The following HAL variants were observed in gnomAD, a reference collection of about 807,000 sequenced individuals.
HAL encodes the protein histidase.
Under a neutral mutation model 81.1 loss-of-function variants are expected in HAL, and 85 were observed. The observed-to-expected ratio is 1.05, with a 90% confidence interval of 0.88 to 1.25. The LOEUF (loss-of-function observed/expected upper bound fraction) is 1.25, where lower values mean the gene tolerates loss of function less well. Among genes scored for constraint, HAL ranks in the 50% most tolerant of loss-of-function variants. The pLI is 0.00. For synonymous variants in HAL, 301 were observed against 309.2 expected (o/e 0.97, Z 0.28); for missense variants, 798 against 836.6 (o/e 0.95, Z 0.57).
At position 95,985,946 on chromosome 12, in the gene HAL, G is replaced by T. The variant is rs367677601; in HGVS notation, c.1168C>A (p.Arg390Ser). 1.2e-6 allele frequency: 2 copies of T among 1,611,176 alleles called. No homozygotes were observed. The highest frequency in any genetic ancestry group is 1.1e-5 in the South Asian group (1 of 90,978). The part of the protein sequence containing the change: ...EIAESHRFCD[R>S]VQDAYTLRCC... Reference sequence around the variant, plus strand: ...CGCAAGGTGTATGCATCCTGGACGCGATCACAGAACCTGTGACTCTCTGTG... The same window carrying T: ...CGCAAGGTGTATGCATCCTGGACGCTATCACAGAACCTGTGACTCTCTGTG... The change falls in exon 14 of 21, where the codon CGC becomes AGC. Residue 390 changes from arginine to serine, a missense_variant. By Grantham distance (110) the Arg-to-Ser change is moderately radical (BLOSUM62 -1). Coordinates refer to ENST00000261208, the MANE Select transcript of HAL (RefSeq NM_002108.4).
At position 95,980,713 on chromosome 12, in the gene HAL, G is replaced by T; in HGVS notation, c.1362C>A (p.Asp454Glu). ...FHGEYPAKAL[D>E]YLAIGIHELA... ...GTTCATGGATGCCAATGGCCAAGTA[G>T]TCTAGGGCCTGAAAGAGGGTCTCCA... The change falls in exon 17 of 21, where the codon GAC becomes GAA. Residue 454 changes from aspartate to glutamate, a missense_variant. Asp to Glu is a conservative substitution (Grantham distance 45). Coordinates refer to ENST00000261208, the MANE Select transcript of HAL (RefSeq NM_002108.4). 1 of 1,613,478 alleles carries T rather than the reference G, an allele frequency of 6.2e-7. No homozygotes were observed. Among genetic ancestry groups the T allele is most frequent in the Non-Finnish European group, 8.5e-7 (1 of 1,179,368 alleles).
chr12:95,995,948 G>C lies in HAL; in HGVS notation c.-38C>G. On this transcript the variant is annotated 5_prime_UTR_variant, in exon 2 of 21. Coordinates refer to ENST00000261208, the MANE Select transcript of HAL (RefSeq NM_002108.4). ...GCCTGAGGTCCTCAGCTGGTCACAG[G>C]AGGGGAGAGCTTTATGCAGGAGTGG... 2 of 1,598,630 alleles carry C rather than the reference G, an allele frequency of 1.3e-6. No individual in the cohort carries two copies. Among genetic ancestry groups the C allele is most frequent in the Non-Finnish European group, 1.7e-6 (2 of 1,179,202 alleles).
In HAL at chr12:95,986,120, A is replaced by G; in HGVS notation, c.1092T>C (p.Val364=). ...ALRPHRGQIE[V]AFRFRSLLDS... ...CCAAGAGTGACCGAAACCGAAAAGC[A>G]ACTTCAATTTGCCCACGGTGAGGTC... Residue 364 remains valine, a synonymous_variant, in exon 13 of 21, where the codon GTT becomes GTC. Transcript: ENST00000261208. 1 of 1,612,866 alleles carries G rather than the reference A, an allele frequency of 6.2e-7. No homozygotes were observed. Among genetic ancestry groups the G allele is most frequent in the Non-Finnish European group, 8.5e-7 (1 of 1,178,774 alleles).
rs370840926 is a variant in HAL, at chr12:95,978,639, T to C, written c.1520-561A>G. 9.2e-5 allele frequency among the ~76,000 whole-genome samples: 14 copies of C among 152,286 alleles called. 1 individual carries two copies. Among genetic ancestry groups the C allele is most frequent in the Admixed American group, 4.6e-4 (7 of 15,298 alleles). The stretch of plus-strand genomic sequence containing the variant: ...TCTCAAGCTTTCCAGTGCACATGAA[T>C]CACTCAGGGACCTTGTTATAACAAA... On this transcript the variant is annotated intron_variant, in intron 17 of 20. Transcript: ENST00000261208.
At chr12:95,985,739 A>G (rs1472729316) in intron 14 of HAL, among the ~76,000 whole-genome samples, 169 bp downstream of exon 14, 6 of 152,110 alleles carry the variant, frequency 3.9e-5, no homozygotes, top group African/African-American at 1.4e-4. Flanking sequence ...GCACACATAA[A>G]GGTAAAATAT....
At chr12:95,978,200 T>G (rs2080747299) in intron 17 of HAL, 122 bp from the exon 18 acceptor site, 1 of 784,400 alleles carries the variant, frequency 1.3e-6, no homozygotes, top group East Asian at 2.7e-5. Flanking sequence ...TTGGACATTA[T>G]CCAAGCACCT....
chr12:95,980,438 A>C, intron 17 of HAL, 118 bp downstream of exon 17: 2 of 910,858 alleles, frequency 2.2e-6, no homozygotes, highest in Non-Finnish European at 3.6e-6. Context: ...ACTAGGATGC[A>C]GATAAAAGTG....
intron 7 of HAL, 36 bp downstream of exon 7, chr12:95,993,736 A>T: frequency 9.3e-7 from 1 of 1,079,464 alleles, no homozygotes; most frequent in Non-Finnish European, 1.4e-6. Flanking sequence ...AGATGAGGGT[A>T]GGTGGAACGT....
chr12:95,992,953 C>T (rs1949990488), intron 8 of HAL, 148 bp from the exon 9 acceptor site: 1 of 761,872 alleles, frequency 1.3e-6, no homozygotes, highest in Non-Finnish European at 2.3e-6. Context: ...ACTACTCTCC[C>T]TCCTGCCTGT....
intron 8 of HAL, 64 bp from the exon 9 acceptor site, chr12:95,992,869 C>G: frequency 7.8e-7 from 1 of 1,280,932 alleles, no homozygotes; most frequent in Non-Finnish European, 1.1e-6. Context: ...CTGACAATTG[C>G]CCTCCCTCCC....
chr12:95,990,963 A>G (rs1215055175), intron 9 of HAL, among the ~76,000 whole-genome samples: 1 of 152,162 alleles, frequency 6.6e-6, no homozygotes, highest in African/African-American at 2.4e-5. Context: ...TACAAAAATT[A>G]GCCAAGTATG....
At chr12:95,975,529 T>A (rs1278841788) in intron 20 of HAL, among the ~76,000 whole-genome samples, 2 of 151,994 alleles carry the variant, frequency 1.3e-5, no homozygotes, top group Admixed American at 6.6e-5. Flanking sequence ...AATTTTTTTT[T>A]AAATTGAATG....
rs2080720413 is a variant in HAL at position 95,976,476 on chromosome 12, T to C, written c.1786A>G (p.Met596Val). 1.9e-6 allele frequency: 3 copies of C among 1,614,126 alleles called. No individual in the cohort carries two copies. The highest frequency in any genetic ancestry group is 1.1e-5 in the South Asian group (1 of 91,082). ...TGGGCTGCCTCGATGTCCGGGGCCATGAAGCGATCTTTTATCCAGGGCCTA... is the reference window on the plus strand; with the variant it reads ...TGGGCTGCCTCGATGTCCGGGGCCACGAAGCGATCTTTTATCCAGGGCCTA... ...VVRPWIKDRF[M>V]APDIEAAHRL... Residue 596 changes from methionine to valine, a missense_variant, in exon 20 of 21, where the codon ATG (methionine) becomes GTG (valine). Physicochemically the swap from Met to Val is conservative, Grantham distance 21. Coordinates refer to ENST00000261208, the MANE Select transcript of HAL (RefSeq NM_002108.4).
At chr12:95,992,949 C>T in intron 8 of HAL, 144 bp from the exon 9 acceptor site, 1 of 757,100 alleles carries the variant, frequency 1.3e-6, no homozygotes, top group Non-Finnish European at 2.3e-6. Flanking sequence ...TTGGACTACT[C>T]TCCCTCCTGC....
chr12:95,986,602 C>G (rs747942284), intron 12 of HAL, among the ~76,000 whole-genome samples: 33 of 152,164 alleles, frequency 2.2e-4, no homozygotes, highest in Non-Finnish European at 1.2e-4. Context: ...CTACAGTGGC[C>G]TAATTTAACT....
Position 95,996,264 on chromosome 12 carries a change from A to C in HAL, c.-268T>G, listed in dbSNP as rs938479831. The C allele has an allele frequency of 6.3e-6, 2 of 315,660 alleles. No homozygotes were observed. Among genetic ancestry groups the C allele is most frequent in the South Asian group, 3.2e-5 (1 of 31,540 alleles). The allele number at this position is 315,660 out of a possible 1,614,324, so 19.6% of individuals were successfully genotyped here. ...TGGCCCCCTTTCTTCAGGGTCCCCA[A>C]TTTCTCTCTCTTCCCTCGTTTCTGT... On this transcript the variant is annotated 5_prime_UTR_variant, in exon 1 of 21. Transcript: ENST00000261208.
At position 95,996,240 on chromosome 12, in the gene HAL, G is replaced by T; in HGVS notation, c.-244C>A. 2.9e-6 allele frequency: 1 copy of T among 344,226 alleles called. No homozygotes were observed. The allele number at this position is 344,226 out of a possible 1,614,324, so 21.3% of individuals were successfully genotyped here. ...TCCCTGATGGCACCTACCTGCTGCTGGCCCCCTTTCTTCAGGGTCCCCAAT... is the reference window on the plus strand; with the variant it reads ...TCCCTGATGGCACCTACCTGCTGCTTGCCCCCTTTCTTCAGGGTCCCCAAT... On this transcript the variant is annotated 5_prime_UTR_variant, in exon 1 of 21. Coordinates refer to ENST00000261208, the MANE Select transcript of HAL (RefSeq NM_002108.4).
intron 14 of HAL, among the ~76,000 whole-genome samples, 198 bp downstream of exon 14, chr12:95,985,710 T>C (rs112887007): frequency 1.3e-5 from 2 of 148,212 alleles, no homozygotes; most frequent in Non-Finnish European, 3.0e-5. Flanking sequence ...CCATATAGAA[T>C]AGAAACTTTA....
chr12:95,991,881 T>C (rs930815939), intron 9 of HAL, among the ~76,000 whole-genome samples: 5 of 152,244 alleles, frequency 3.3e-5, no homozygotes, highest in African/African-American at 7.2e-5. Flanking sequence ...AGACTGCTCA[T>C]TGAAATTGCT....
Sources: gnomAD v4.1 joint callset for allele counts (sites outside exome capture counted in the v4.1 genomes callset) on GRCh38, gnomAD v4.1.1 for gene constraint, MANE v1.5 for transcripts, NCBI Gene and HGNC (gene_info 2026-07-23, HGNC 2026-07-21) for gene names.